Variants in ANKRD24 observed in about 807,000 individuals in gnomAD.
ANKRD24 encodes the protein ankyrin repeat domain 24, also known as ankyrin repeat domain-containing protein 24.
Under a neutral mutation model 127.8 loss-of-function variants are expected in ANKRD24, and 109 were observed. That is an observed-to-expected ratio of 0.85 (90% CI 0.73 to 1.00). The LOEUF (loss-of-function observed/expected upper bound fraction) is 1.00. ANKRD24 is among the 50% of genes least tolerant of loss of function. ANKRD24 has a pLI of 0.00. For synonymous variants in ANKRD24, 743 were observed against 671.1 expected, an observed-to-expected ratio of 1.11 and a Z score of -1.66; for missense variants, 1,648 against 1,570.2, an observed-to-expected ratio of 1.05 and a Z score of -0.84.
At position 4,199,370 on chromosome 19, in the gene ANKRD24, C is replaced by A; in HGVS notation, c.37-313C>A. ...CAGCTACAGGCATGAGCCACCATGC[C>A]CCGCTGATGATTTTTATTTTTTGTA... On this transcript the variant is annotated intron_variant, in intron 2 of 21. Coordinates refer to ENST00000318934, the MANE Select transcript of ANKRD24 (RefSeq NM_001393985.1). This position sits in a 1 kb window ranked among gnomAD's most constrained non-coding sequence, Gnocchi z 5.2. 2.6e-6 allele frequency: 1 copy of A among 377,998 alleles called. No homozygotes were observed. Among genetic ancestry groups the A allele is most frequent in the Non-Finnish European group, 3.6e-6 (1 of 274,990 alleles). The allele number at this position is 377,998 out of a possible 1,614,324, so 23.4% of individuals were successfully genotyped here. A position where few individuals can be genotyped will look rare whatever the true frequency, so the allele number is the denominator to read the frequency against.
At chr19:4,224,354 A>T (rs1203269088) in intron 21 of ANKRD24, 74 bp from the exon 22 acceptor site, 2 of 1,532,282 alleles carry the variant, frequency 1.3e-6, no homozygotes, top group Admixed American at 3.7e-5. Flanking sequence ...GGCTTGGTCT[A>T]TGGGAGTGGT....
rs757603578 is a variant in ANKRD24 at position 4,199,636 on chromosome 19, G to A, written c.37-47G>A. 1.1e-5 allele frequency: 17 copies of A among 1,497,752 alleles called. No homozygotes were observed. The highest frequency in any genetic ancestry group is 1.5e-5 in the Non-Finnish European group (17 of 1,130,270). The allele number at this position is 1,497,752 out of a possible 1,614,324, so 92.8% of individuals were successfully genotyped here. A position where few individuals can be genotyped will look rare whatever the true frequency, so the allele number is the denominator to read the frequency against. On this transcript the variant is annotated intron_variant, in intron 2 of 21. Coordinates refer to ENST00000318934, the MANE Select transcript of ANKRD24 (RefSeq NM_001393985.1). The surrounding 1 kb of genome is among the most constrained non-coding windows in gnomAD (Gnocchi z 5.2). ...AGATGCTGGGGGTCGCAGGCTTGGG[G>A]GACACTGTCTGAGGACCCCCTCGCC...
In ANKRD24 at chr19:4,195,050, G is replaced by A. The variant is rs352511; in HGVS notation, c.37-4633G>A. Reference sequence around the variant, plus strand: ...TGGTGCGATCTCGGCGTGAGCCACCGCGCCCAGGTTTTTGTTTGTTTGTTT... The same window carrying A: ...TGGTGCGATCTCGGCGTGAGCCACCACGCCCAGGTTTTTGTTTGTTTGTTT... On this transcript the variant is annotated intron_variant, in intron 2 of 21. Coordinates refer to ENST00000318934, the MANE Select transcript of ANKRD24 (RefSeq NM_001393985.1). The surrounding 1 kb of genome is among the most constrained non-coding windows in gnomAD (Gnocchi z 4.2). Among the ~76,000 whole-genome samples, 45,575 of 149,324 alleles carry A rather than the reference G, an allele frequency of 0.31. 7,553 individuals carry two copies. The highest frequency in any genetic ancestry group is 0.63 in the East Asian group (3,174 of 5,074).
rs142518210 is a variant in ANKRD24 at position 4,186,175 on chromosome 19, G to A, written c.-36-215G>A. 1.0e-4 allele frequency: 113 copies of A among 1,133,050 alleles called. 2 individuals are homozygous for A. In the East Asian group the frequency reaches 3.5e-3, roughly 35 times the overall value. The allele number at this position is 1,133,050 out of a possible 1,614,324, so 70.2% of individuals were successfully genotyped here. On this transcript the variant is annotated intron_variant, in intron 1 of 21. Coordinates refer to ENST00000318934, the MANE Select transcript of ANKRD24 (RefSeq NM_001393985.1). The stretch of plus-strand genomic sequence containing the variant: ...AGTTGGTCAAGAAAGGATCATTTCT[G>A]TCACTGTATAGATGAGGGAAGTAAA...
chr19:4,219,245 C>T (rs146780684), intron 18 of ANKRD24, among the ~76,000 whole-genome samples: 5,615 of 151,900 alleles, frequency 0.037, 375 homozygotes, highest in African/African-American at 0.13. Flanking sequence ...GAGATTACAC[C>T]ACTGCACTCC....
At chr19:4,184,351 C>T (rs972717829) in intron 1 of ANKRD24, among the ~76,000 whole-genome samples, 2 of 152,166 alleles carry the variant, frequency 1.3e-5, no homozygotes, top group Admixed American at 6.5e-5. Context: ...CGGAGGATCC[C>T]CTTATGGCCC....
At chr19:4,186,277 C>G in intron 1 of ANKRD24, 113 bp from the exon 2 acceptor site, 1 of 1,493,654 alleles carries the variant, frequency 6.7e-7, no homozygotes, top group Non-Finnish European at 8.9e-7. Flanking sequence ...GCTCTAGGGG[C>G]CAGGACTGGT....
At chr19:4,197,496 TAATG>T (rs143999076) in intron 2 of ANKRD24, among the ~76,000 whole-genome samples, 78 of 150,602 alleles carry the variant, frequency 5.2e-4, no homozygotes, top group African/African-American at 1.9e-3. Flanking sequence ...ATGAGTGAGT[TAATG>T]AATGCAGGAA....
Position 4,217,061 on chromosome 19 carries a change from G to C in ANKRD24, c.1901G>C (p.Gly634Ala), listed in dbSNP as rs61742138. 3.7e-6 allele frequency: 6 copies of C among 1,613,860 alleles called. No homozygotes were observed. Among genetic ancestry groups the C allele is most frequent in the Non-Finnish European group, 4.2e-6 (5 of 1,179,890 alleles). ...GAQATDTETT[G>A]VEAMGVEATK... ...CAGGCCACAGACACAGAGACCACGG[G>C]AGTGGAGGCCATGGGGGTGGAGGCC... The change falls in exon 18 of 22, where the codon GGA becomes GCA. Residue 634 changes from glycine (G) to alanine (A), a missense_variant. Transcript: ENST00000318934.
chr19:4,215,510 T>C (rs1599455375), intron 15 of ANKRD24, among the ~76,000 whole-genome samples: 1 of 146,226 alleles, frequency 6.8e-6, no homozygotes. Context: ...CTCATGCCTG[T>C]CATCCCAACA....
Position 4,198,615 on chromosome 19 carries a change from G to C in ANKRD24, c.37-1068G>C, listed in dbSNP as rs946737026. ...CCCTTCCCCGTCCCCGGCTGACCTG[G>C]ACCACCCCCCCATTCCAGACCCGGG... On this transcript the variant is annotated intron_variant, in intron 2 of 21. Transcript: ENST00000318934. The surrounding 1 kb of genome is among the most constrained non-coding windows in gnomAD (Gnocchi z 6.1). 2.4e-6 allele frequency: 1 copy of C among 420,616 alleles called. No homozygotes were observed. Among genetic ancestry groups the C allele is most frequent in the African/African-American group, 2.1e-5 (1 of 48,462 alleles). The allele number at this position is 420,616 out of a possible 1,614,324, so 26.1% of individuals were successfully genotyped here.
rs890226673 is a variant in ANKRD24 at position 4,224,751 on chromosome 19, G to A, written c.*246G>A. On this transcript the variant is annotated 3_prime_UTR_variant, in exon 22 of 22. Coordinates refer to ENST00000318934, the MANE Select transcript of ANKRD24 (RefSeq NM_001393985.1). ...TGCCCCTCCCCCACCACCGGAGACT[G>A]TGATTCCCTGTGTCCTCCACATCCA... The A allele has an allele frequency of 7.2e-6, 4 of 552,318 alleles. No individual in the cohort carries two copies. Among genetic ancestry groups the A allele is most frequent in the South Asian group, 2.2e-5 (1 of 46,182 alleles). 34.2% of individuals were successfully genotyped at this position (552,318 alleles called of 1,614,324 possible).
rs750443423 is a variant in ANKRD24 at position 4,217,227 on chromosome 19, C to T, written c.2067C>T (p.Ala689=). ...GGATGGAATCCACAGGAGTCAGTGC[C>T]ACAGGTGTGGAGAACCCAGGGGTAG... ...ATGMESTGVS[A]TGVENPGVEA... Residue 689 remains alanine, a synonymous_variant, in exon 18 of 22, where the codon GCC becomes GCT. Coordinates refer to ENST00000318934, the MANE Select transcript of ANKRD24 (RefSeq NM_001393985.1). 6.2e-7 allele frequency: 1 copy of T among 1,600,406 alleles called. No homozygotes were observed. Among genetic ancestry groups the T allele is most frequent in the South Asian group, 1.1e-5 (1 of 89,290 alleles).
At chr19:4,207,478 G>A (rs367658584) in intron 8 of ANKRD24, 23 bp from the exon 9 acceptor site, 41 of 1,607,776 alleles carry the variant, frequency 2.6e-5, no homozygotes, top group African/African-American at 4.0e-5. Context: ...TCATGCCATC[G>A]CATCCCTCCT....
intron 15 of ANKRD24, among the ~76,000 whole-genome samples, chr19:4,214,937 C>G (rs952627404): frequency 6.6e-6 from 1 of 152,152 alleles, no homozygotes; most frequent in Non-Finnish European, 1.5e-5. Flanking sequence ...TATACCCACA[C>G]GTATGGTCAC....
In ANKRD24 at chr19:4,199,949, C is replaced by A; in HGVS notation, c.198C>A (p.Ala66=). The A allele has an allele frequency of 1.3e-6, 2 of 1,564,760 alleles. No homozygotes were observed. Among genetic ancestry groups the A allele is most frequent in the Non-Finnish European group, 1.7e-6 (2 of 1,155,112 alleles). The change falls in exon 4 of 22, where the codon GCC becomes GCA. Residue 66 remains alanine (A), a synonymous_variant. Transcript: ENST00000318934. The surrounding 1 kb of genome is among the most constrained non-coding windows in gnomAD (Gnocchi z 5.2). ...ACAACGATGCACCTCGGGTGGCCGC[C>A]CTCATCGCCCGCAAGGGGCTGGTGC... is the stretch of plus-strand genomic sequence containing the variant. ...VENNDAPRVA[A]LIARKGLVPT...
intron 16 of ANKRD24, 110 bp downstream of exon 16, chr19:4,216,160 A>T: frequency 7.1e-7 from 1 of 1,403,220 alleles, no homozygotes; most frequent in Middle Eastern, 1.9e-4. Context: ...GTTTGTACTC[A>T]TCCGTTTTTT....
intron 2 of ANKRD24, among the ~76,000 whole-genome samples, chr19:4,188,625 T>G (rs1479438470): frequency 1.3e-5 from 2 of 151,908 alleles, no homozygotes; most frequent in African/African-American, 2.4e-5. Context: ...CAAGCGATCC[T>G]CCTAACTCCC....
At chr19:4,224,319 C>T (rs1224306370) in intron 21 of ANKRD24, 109 bp from the exon 22 acceptor site, 3 of 1,423,206 alleles carry the variant, frequency 2.1e-6, no homozygotes, top group African/African-American at 2.8e-5. Flanking sequence ...GTGGGAGCCC[C>T]CCTGTGTGCA....
Sources: allele counts gnomAD v4.1 joint callset (sites outside exome capture counted in the v4.1 genomes callset), GRCh38; gene constraint gnomAD v4.1.1; non-coding constraint Gnocchi (gnomAD v3.1); transcripts MANE v1.5; gene names NCBI Gene and HGNC (gene_info 2026-07-23, HGNC 2026-07-21).